Variants in TOR1AIP2 observed in about 807,000 individuals in gnomAD.
TOR1AIP2 encodes torsin-1A-interacting protein 2.
A neutral mutation model predicts 32.6 loss-of-function variants in TOR1AIP2; 20 were observed. The ratio of observed to expected loss-of-function variants is 0.61; its 90% CI spans 0.43 to 0.89. The LOEUF (loss-of-function observed/expected upper bound fraction) is 0.89, where lower values mean the gene tolerates loss of function less well. TOR1AIP2 is among the 40% of genes least tolerant of loss of function. The probability of loss-of-function intolerance (pLI) is 0.00; values close to 1 mark genes in which losing one functional copy is unlikely to be tolerated. For missense variants in TOR1AIP2, 456 were observed against 553.8 expected (o/e 0.82, Z 1.77); for synonymous variants, 214 against 210.8 (o/e 1.02, Z -0.13).
At chr1:179,864,550 C>A in intron 3 of TOR1AIP2, 1 of 1,251,232 alleles carries the variant, frequency 8.0e-7, no homozygotes, top group African/African-American at 1.8e-5. Context: ...ACGGATTAGC[C>A]TCAGTCTAGA....
chr1:179,873,660 G>A (rs909202342), intron 2 of TOR1AIP2: 12 of 152,144 alleles, frequency 7.9e-5, no homozygotes, highest in Non-Finnish European at 1.6e-4. Flanking sequence ...CTATGGTACT[G>A]TTTCCCTAAT....
Position 179,846,011 on chromosome 1 carries a change from G to A in TOR1AIP2, c.*60C>T. 6.8e-7 allele frequency: 1 copy of A among 1,472,882 alleles called. No individual in the cohort carries two copies. The highest frequency in any genetic ancestry group is 9.2e-7 in the Non-Finnish European group (1 of 1,089,682). The allele number at this position is 1,472,882 out of a possible 1,614,324, so 91.2% of individuals were successfully genotyped here. On this transcript the variant is annotated 3_prime_UTR_variant, in exon 7 of 7. Coordinates refer to ENST00000609928, the MANE Select transcript of TOR1AIP2 (RefSeq NM_001199260.2). ...TCAACCTCCTTCCATATAAATGGAAGGTCTTTAAACAAACTTTTTCATAAA... is the reference window on the plus strand; with the variant it reads ...TCAACCTCCTTCCATATAAATGGAAAGTCTTTAAACAAACTTTTTCATAAA...
intron 3 of TOR1AIP2, among the ~76,000 whole-genome samples, chr1:179,853,559 T>C (rs1042384725): frequency 2.0e-5 from 3 of 152,210 alleles, no homozygotes; most frequent in Non-Finnish European, 2.9e-5. Context: ...AAAATGAGAA[T>C]AATGATATCT....
Position 179,845,937 on chromosome 1 carries a change from TA to T in TOR1AIP2, c.*133del. ...GGAATAAAAAATAAAAACTTGTTTCTAAAATAAGCTCATCTTTGTTTTTCAG... is the reference window on the plus strand; with the variant it reads ...GGAATAAAAAATAAAAACTTGTTTCTAAATAAGCTCATCTTTGTTTTTCAG... On this transcript the variant is annotated 3_prime_UTR_variant, in exon 7 of 7. Transcript: ENST00000609928. 2.5e-6 allele frequency: 2 copies of T among 799,992 alleles called. No homozygotes were observed. Among genetic ancestry groups the T allele is most frequent in the Non-Finnish European group, 3.8e-6 (2 of 527,060 alleles). 49.6% of individuals were successfully genotyped at this position (799,992 alleles called of 1,614,324 possible).
chr1:179,863,717 G>A, intron 3 of TOR1AIP2: 6 of 981,118 alleles, frequency 6.1e-6, no homozygotes, highest in Non-Finnish European at 7.2e-6. Context: ...CAAGGGGGAA[G>A]GACACAAAGA....
At position 179,852,132 on chromosome 1, in the gene TOR1AIP2, T is replaced by C. The variant is rs573750880; in HGVS notation, c.34+500A>G. 6.6e-5 allele frequency among the ~76,000 whole-genome samples: 10 copies of C among 152,074 alleles called. No individual in the cohort carries two copies. In the East Asian group the frequency reaches 1.9e-3, roughly 29 times the overall value. ...CCGTCTCTACTAAAAATACAAAAAT[T>C]CACTGGGTGTGGTGGCAGGCGCCTG... On this transcript the variant is annotated intron_variant, in intron 4 of 6. Transcript: ENST00000609928.
intron 5 of TOR1AIP2, among the ~76,000 whole-genome samples, chr1:179,848,489 A>G (rs1342837325): frequency 6.6e-6 from 1 of 152,246 alleles, no homozygotes; most frequent in Non-Finnish European, 1.5e-5. Flanking sequence ...TATAAGGTGA[A>G]GAAAATTCAC....
chr1:179,861,728 A>G (rs1264945932), intron 3 of TOR1AIP2: 1 of 985,332 alleles, frequency 1.0e-6, no homozygotes, highest in Admixed American at 6.1e-5. Context: ...ATCTTGCAGT[A>G]CTATGAGTAT....
rs566526582 is a variant in TOR1AIP2 at position 179,850,968 on chromosome 1, T to A, written c.430A>T (p.Ser144Cys). ...TCCTGAGATGCTCCAGTTCCGTCAC[T>A]CGCTTCCTTAGGGAGGGCCACAGAG... ...SSSVALPKEA[S>C]DGTGASQEPP... Residue 144 changes from serine to cysteine, a missense_variant, in exon 5 of 7, where the codon AGT becomes TGT. Physicochemically the swap from Ser to Cys is moderately radical, Grantham distance 112 (BLOSUM62 -1). Transcript: ENST00000609928. 204 of 1,614,198 alleles carry A rather than the reference T, an allele frequency of 1.3e-4. 4 individuals are homozygous for A. The South Asian group carries it at 2.2e-3, about 17-fold the overall frequency.
intron 2 of TOR1AIP2, among the ~76,000 whole-genome samples, chr1:179,876,625 T>TA (rs1212286028): frequency 6.6e-6 from 1 of 150,916 alleles, no homozygotes; most frequent in Admixed American, 6.7e-5. Context: ...TGGCCTTTTA[T>TA]ATCCTCATCT....
At chr1:179,864,026 T>C in intron 3 of TOR1AIP2, 1 of 985,462 alleles carries the variant, frequency 1.0e-6, no homozygotes, top group Non-Finnish European at 1.2e-6. Context: ...TACTTTTCCA[T>C]TTCCAGGGGA....
intron 5 of TOR1AIP2, among the ~76,000 whole-genome samples, chr1:179,849,119 G>T (rs1029747753): frequency 6.6e-6 from 1 of 152,062 alleles, no homozygotes; most frequent in African/African-American, 2.4e-5. Flanking sequence ...CTGGGCAAAA[G>T]AGTGAGACTC....
At chr1:179,860,111 G>A in intron 3 of TOR1AIP2, 1 of 981,776 alleles carries the variant, frequency 1.0e-6, no homozygotes, top group Non-Finnish European at 1.2e-6. Context: ...GCCTCCCAAA[G>A]TGCTGGAATT....
chr1:179,866,046 T>C (rs1311153189), intron 2 of TOR1AIP2, among the ~76,000 whole-genome samples, 192 bp from the exon 3 acceptor site: 5 of 152,218 alleles, frequency 3.3e-5, no homozygotes, highest in African/African-American at 7.2e-5. Context: ...GGATCATTTA[T>C]ACTAGGACTA....
At chr1:179,855,834 T>C (rs1696277865) in intron 3 of TOR1AIP2, among the ~76,000 whole-genome samples, 1 of 152,242 alleles carries the variant, frequency 6.6e-6, no homozygotes, top group African/African-American at 2.4e-5. Flanking sequence ...ATATTATGCA[T>C]AGCAATTAAA....
chr1:179,874,385 GCCTGGGCAACACAGCAAGT>G (rs1697116571), intron 2 of TOR1AIP2: 3 of 152,366 alleles, frequency 2.0e-5, no homozygotes, highest in East Asian at 3.9e-4. Context: ...CTATACTCCA[GCCTGGGCAACACAGCAAGT>G]CCTTGTCTCA....
In TOR1AIP2 at chr1:179,847,621, G is replaced by A. The variant is rs2148423694; in HGVS notation, c.569C>T (p.Pro190Leu). 6.2e-7 allele frequency: 1 copy of A among 1,612,660 alleles called. No homozygotes were observed. Among genetic ancestry groups the A allele is most frequent in the East Asian group, 2.2e-5 (1 of 44,838 alleles). The change falls in exon 6 of 7, where the codon CCA (proline) becomes CTA (leucine). Residue 190 changes from proline to leucine, a missense_variant. Pro to Leu is a moderately conservative substitution (Grantham distance 98). Transcript: ENST00000609928. ...RLLAPEAGSH[P>L]QQTQKLEEIK... ...TTCTTCCAATTTTTGTGTTTGTTGT[G>A]GATGACTTCCAGCCTCTGGAGAGGA...
chr1:179,847,463 G>GT, intron 6 of TOR1AIP2, 72 bp downstream of exon 6: 1 of 1,013,532 alleles, frequency 9.9e-7, no homozygotes, highest in South Asian at 1.3e-5. Context: ...AAATCTGCTA[G>GT]TTTTCTAGGC....
At chr1:179,848,722 T>A (rs769680574) in intron 5 of TOR1AIP2, among the ~76,000 whole-genome samples, 1 of 152,150 alleles carries the variant, frequency 6.6e-6, no homozygotes, top group Non-Finnish European at 1.5e-5. Flanking sequence ...AAATATCATA[T>A]CATAGAATCT....
Sources: allele counts gnomAD v4.1 joint callset (sites outside exome capture counted in the v4.1 genomes callset), GRCh38; gene constraint gnomAD v4.1.1; transcripts MANE v1.5; gene names NCBI Gene and HGNC (gene_info 2026-07-23, HGNC 2026-07-21).